The following CNTN4 variants were observed in gnomAD, a reference collection of about 807,000 sequenced individuals.
CNTN4 encodes contactin 4.
In CNTN4, 77 loss-of-function variants were observed where a neutral mutation model predicts 122.5. That is an observed-to-expected ratio of 0.63 (90% CI 0.52 to 0.76). The LOEUF (loss-of-function observed/expected upper bound fraction) is 0.76. CNTN4 is among the 30% of genes least tolerant of loss of function. CNTN4 has a pLI of 0.00. For synonymous variants in CNTN4, 512 were observed against 447.0 expected (o/e 1.15, Z -1.83); for missense variants, 1,256 against 1,259.1 (o/e 1.00, Z 0.04).
At chr3:2,426,134 C>T (rs1370984752) in intron 3 of CNTN4, among the ~76,000 whole-genome samples, 1 of 152,132 alleles carries the variant, frequency 6.6e-6, no homozygotes, top group African/African-American at 2.4e-5. Flanking sequence ...GAGGGCATCC[C>T]TGTCTTGTGC....
At chr3:2,435,647 G>A (rs1254296420) in intron 3 of CNTN4, among the ~76,000 whole-genome samples, 5 of 152,078 alleles carry the variant, frequency 3.3e-5, no homozygotes, top group Non-Finnish European at 7.4e-5. Flanking sequence ...CCCAAAAAAT[G>A]CTAATGCTGT....
intron 3 of CNTN4, among the ~76,000 whole-genome samples, chr3:2,553,621 A>C (rs1458477406): frequency 6.6e-6 from 1 of 152,166 alleles, no homozygotes; most frequent in Non-Finnish European, 1.5e-5. Context: ...CCAGAGCTAG[A>C]AACCAGCAGT....
intron 7 of CNTN4, among the ~76,000 whole-genome samples, chr3:2,853,991 C>G (rs1324690079): frequency 6.6e-6 from 1 of 152,148 alleles, no homozygotes; most frequent in Non-Finnish European, 1.5e-5. Flanking sequence ...GGTAATAAAG[C>G]CAAACTCATA....
intron 3 of CNTN4, among the ~76,000 whole-genome samples, chr3:2,388,169 AG>A (rs1196162418): frequency 1.3e-5 from 2 of 152,226 alleles, no homozygotes; most frequent in Admixed American, 6.5e-5. Flanking sequence ...TCATGCTGAA[AG>A]AGCCAGTACA....
chr3:2,529,635 C>A (rs2077524597), intron 3 of CNTN4, among the ~76,000 whole-genome samples: 1 of 152,064 alleles, frequency 6.6e-6, no homozygotes, highest in African/African-American at 2.4e-5. Context: ...TGAGAGGAGA[C>A]ATTGTTGGTT....
At chr3:2,646,141 A>G (rs1026698719) in intron 4 of CNTN4, among the ~76,000 whole-genome samples, 1 of 152,216 alleles carries the variant, frequency 6.6e-6, no homozygotes, top group South Asian at 2.1e-4. Flanking sequence ...GTGCCTTTCT[A>G]GAATGACTAA....
chr3:2,866,343 A>G, intron 7 of CNTN4: 1 of 321,096 alleles, frequency 3.1e-6, no homozygotes. Flanking sequence ...CTATAAAACA[A>G]AAGAAATGAT....
chr3:2,611,491 A>C (rs1016931918), intron 4 of CNTN4, among the ~76,000 whole-genome samples: 1 of 152,114 alleles, frequency 6.6e-6, no homozygotes, highest in Non-Finnish European at 1.5e-5. Flanking sequence ...AAAGCTAAGT[A>C]GCCTCTGGGT....
intron 4 of CNTN4, among the ~76,000 whole-genome samples, chr3:2,615,025 C>T (rs1391637199): frequency 6.6e-6 from 1 of 152,084 alleles, no homozygotes; most frequent in Non-Finnish European, 1.5e-5. Context: ...TCATGACAAG[C>T]AGTGACGGCT....
At chr3:2,686,868 G>C (rs2085458871) in intron 4 of CNTN4, among the ~76,000 whole-genome samples, 1 of 152,182 alleles carries the variant, frequency 6.6e-6, no homozygotes, top group South Asian at 2.1e-4. Flanking sequence ...CCTACCTGCT[G>C]TGGGAGAAAA....
chr3:2,428,960 A>T (rs2047951880), intron 3 of CNTN4, among the ~76,000 whole-genome samples: 1 of 152,090 alleles, frequency 6.6e-6, no homozygotes, highest in Admixed American at 6.5e-5. Context: ...TGTTGATTCT[A>T]GTTAGCCATT....
At chr3:2,620,121 T>A (rs1243364514) in intron 4 of CNTN4, among the ~76,000 whole-genome samples, 1 of 152,150 alleles carries the variant, frequency 6.6e-6, no homozygotes, top group Non-Finnish European at 1.5e-5. Flanking sequence ...AGCAGGACAA[T>A]GCCATACCAT....
intron 9 of CNTN4, 80 bp downstream of exon 9, chr3:2,883,327 A>G (rs2093934013): frequency 9.7e-7 from 1 of 1,028,612 alleles, no homozygotes. Context: ...GTTCACAGCG[A>G]TGGTTTCTGA....
intron 4 of CNTN4, among the ~76,000 whole-genome samples, chr3:2,595,057 T>C (rs895285856): frequency 6.6e-6 from 1 of 152,288 alleles, no homozygotes; most frequent in Admixed American, 6.5e-5. Flanking sequence ...ATACAGAACT[T>C]CAGATATGAT....
intron 13 of CNTN4, among the ~76,000 whole-genome samples, chr3:2,941,945 A>G (rs57403371): frequency 0.03 from 4,500 of 152,248 alleles, 230 homozygotes; most frequent in African/African-American, 0.1. Flanking sequence ...ACTTCTCACT[A>G]TAACACCAGT....
intron 4 of CNTN4, among the ~76,000 whole-genome samples, chr3:2,630,518 C>T (rs752106342): frequency 6.6e-6 from 1 of 152,148 alleles, no homozygotes; most frequent in Non-Finnish European, 1.5e-5. Flanking sequence ...AAAAAGTTTG[C>T]TGACTATTGC....
chr3:2,475,725 TAAC>T (rs2151537448), intron 3 of CNTN4, among the ~76,000 whole-genome samples: 1 of 152,250 alleles, frequency 6.6e-6, no homozygotes, highest in East Asian at 1.9e-4. Flanking sequence ...AATGCAAAAA[TAAC>T]AACAATAATA....
At chr3:2,669,786 T>C (rs1012379437) in intron 4 of CNTN4, among the ~76,000 whole-genome samples, 2 of 152,220 alleles carry the variant, frequency 1.3e-5, no homozygotes, top group Admixed American at 6.5e-5. Context: ...GATTCTGGTA[T>C]GTTGTGTCTT....
At chr3:2,778,484 T>G (rs1188362502) in intron 6 of CNTN4, among the ~76,000 whole-genome samples, 2 of 152,114 alleles carry the variant, frequency 1.3e-5, no homozygotes, top group South Asian at 2.1e-4. Context: ...CAAATTTCAC[T>G]ACTGTTTTTC....
Sources: gnomAD v4.1 joint callset for allele counts (sites outside exome capture counted in the v4.1 genomes callset) on GRCh38, gnomAD v4.1.1 for gene constraint, MANE v1.5 for transcripts, NCBI Gene and HGNC (gene_info 2026-07-23, HGNC 2026-07-21) for gene names.